Variants in PLXNA2 observed in about 807,000 individuals in gnomAD.
The protein encoded by PLXNA2 is plexin A2.
PLXNA2 carries 91 observed loss-of-function variants against 193.5 expected under a neutral mutation model. That is an observed-to-expected ratio of 0.47 (90% CI 0.40 to 0.56). The LOEUF is 0.56. Ranked by LOEUF, PLXNA2 falls within the 20% of genes least tolerant of loss-of-function variation. PLXNA2 has a pLI of 0.00. For synonymous variants in PLXNA2, 997 were observed against 1,027.3 expected (o/e 0.97, Z 0.56); for missense variants, 1,995 against 2,503.2 (o/e 0.80, Z 4.33).
chr1:208,098,769 C>T lies in PLXNA2; in HGVS notation c.1731+77G>A, dbSNP rs111550531. The T allele has an allele frequency of 1.5e-3, 2,301 of 1,503,922 alleles. 25 individuals carry two copies. The African/African-American group carries it at 0.026, about 17-fold the overall frequency. 93.2% of individuals were successfully genotyped at this position (1,503,922 alleles called of 1,614,324 possible). ...TCTGATCAATTTACAGATACTTGTG[C>T]AAGCGTGAATGGAGCACACCCACAC... is the stretch of plus-strand genomic sequence containing the variant. On this transcript the variant is annotated intron_variant, in intron 6 of 31. Transcript: ENST00000367033.
intron 4 of PLXNA2, among the ~76,000 whole-genome samples, chr1:208,117,294 C>A (rs975530018): frequency 1.3e-5 from 2 of 152,144 alleles, no homozygotes; most frequent in Non-Finnish European, 2.9e-5. Context: ...TAGGAGGATG[C>A]AGGAGGAAAC....
intron 3 of PLXNA2, among the ~76,000 whole-genome samples, chr1:208,146,858 G>GT (rs2102490997): frequency 6.6e-6 from 1 of 152,248 alleles, no homozygotes; most frequent in East Asian, 1.9e-4. Flanking sequence ...ACTGGAGTGT[G>GT]TTTTTCTATT....
intron 2 of PLXNA2, among the ~76,000 whole-genome samples, chr1:208,211,282 T>C (rs1670933126): frequency 6.6e-6 from 1 of 152,184 alleles, no homozygotes; most frequent in Admixed American, 6.5e-5. Flanking sequence ...AAGAGAGAAT[T>C]CTGGAGGTGG....
chr1:208,109,074 C>T (rs377614913), intron 4 of PLXNA2, among the ~76,000 whole-genome samples: 3 of 152,220 alleles, frequency 2.0e-5, no homozygotes, highest in East Asian at 1.9e-4. Context: ...CCTGTCCTCA[C>T]ACGTGTCCCC....
chr1:208,204,573 C>T (rs779753095), intron 3 of PLXNA2, among the ~76,000 whole-genome samples: 1 of 152,230 alleles, frequency 6.6e-6, no homozygotes, highest in Non-Finnish European at 1.5e-5. Flanking sequence ...TTCCTTCCTT[C>T]GCAACCAACC....
chr1:208,223,496 A>G (rs1397708290), intron 1 of PLXNA2, among the ~76,000 whole-genome samples: 1 of 152,202 alleles, frequency 6.6e-6, no homozygotes, highest in Non-Finnish European at 1.5e-5. Context: ...GGCCTGGACA[A>G]CGAGGTGGTG....
intron 7 of PLXNA2, 44 bp downstream of exon 7, chr1:208,096,686 A>G: frequency 7.5e-6 from 12 of 1,608,798 alleles, no homozygotes; most frequent in Non-Finnish European, 8.5e-6. Flanking sequence ...CCCTCAGTAT[A>G]GAGAAGCCCC....
At chr1:208,080,929 G>A (rs574380818) in intron 11 of PLXNA2, among the ~76,000 whole-genome samples, 1 of 152,222 alleles carries the variant, frequency 6.6e-6, no homozygotes, top group African/African-American at 2.4e-5. Flanking sequence ...TCTAGAACCT[G>A]AGTCTTTAAA....
chr1:208,210,329 T>C lies in PLXNA2; in HGVS notation c.1322A>G (p.Asn441Ser). The change falls in exon 3 of 32, where the codon AAC becomes AGC. Residue 441 changes from asparagine (N) to serine (S), a missense_variant. Asn to Ser is a conservative substitution (Grantham distance 46). Around this residue, in one of 3 missense-constraint regions of PLXNA2, gnomAD observed 702 missense variants for 812.9 expected, o/e 0.86. Coordinates refer to ENST00000367033, the MANE Select transcript of PLXNA2 (RefSeq NM_025179.4). Reference protein sequence around the residue: ...RMTSVASYVYNGYSVVFVGTK... With the variant: ...RMTSVASYVYSGYSVVFVGTK... ...CCCCACAAAAACCACGCTGTAGCCG[T>C]TGTAAACGTAGGAGGCCACAGAGGT... 3.7e-6 allele frequency: 6 copies of C among 1,613,936 alleles called. No individual in the cohort carries two copies. Among genetic ancestry groups the C allele is most frequent in the Non-Finnish European group, 5.1e-6 (6 of 1,179,998 alleles).
rs560260298 is a variant in PLXNA2 at position 208,190,001 on chromosome 1, G to C, written c.1371+20279C>G. Among the ~76,000 whole-genome samples the C allele has an allele frequency of 2.0e-5, 3 of 152,326 alleles. No homozygotes were observed. The South Asian group carries it at 6.2e-4, about 32-fold the overall frequency. On this transcript the variant is annotated intron_variant, in intron 3 of 31. Coordinates refer to ENST00000367033, the MANE Select transcript of PLXNA2 (RefSeq NM_025179.4). ...TGTGTAAGATGAGAAACATTTTGGG[G>C]TGGGGGAAGGAGGGTGGAATCTCAA...
intron 3 of PLXNA2, among the ~76,000 whole-genome samples, chr1:208,152,543 A>C (rs1460040810): frequency 6.6e-6 from 1 of 152,048 alleles, no homozygotes; most frequent in African/African-American, 2.4e-5. Flanking sequence ...AAAATCCTTA[A>C]ATTTCAGGTG....
chr1:208,125,221 A>T (rs1040449064), intron 4 of PLXNA2, among the ~76,000 whole-genome samples: 1 of 152,202 alleles, frequency 6.6e-6, no homozygotes, highest in African/African-American at 2.4e-5. Context: ...GGAGGTGAGG[A>T]TAACAGGAAC....
At position 208,155,619 on chromosome 1, in the gene PLXNA2, G is replaced by A. The variant is rs557765322; in HGVS notation, c.1372-13156C>T. Among the ~76,000 whole-genome samples the A allele has an allele frequency of 1.6e-4, 24 of 152,322 alleles. No homozygotes were observed. The South Asian group carries it at 4.6e-3, about 29-fold the overall frequency. The stretch of plus-strand genomic sequence containing the variant: ...AGTACCAGAGAAACTGCAAAGAAGC[G>A]GAGGTGAGGATGGGGAGGGCAGGAC... On this transcript the variant is annotated intron_variant, in intron 3 of 31. Coordinates refer to ENST00000367033, the MANE Select transcript of PLXNA2 (RefSeq NM_025179.4).
At position 208,038,116 on chromosome 1, in the gene PLXNA2, T is replaced by A. The variant is rs1164399361; in HGVS notation, c.4764+255A>T. 6.6e-6 allele frequency among the ~76,000 whole-genome samples: 1 copy of A among 152,200 alleles called. No individual in the cohort carries two copies. The highest frequency in any genetic ancestry group is 1.5e-5 in the Non-Finnish European group (1 of 68,042). On this transcript the variant is annotated intron_variant, in intron 26 of 31. Coordinates refer to ENST00000367033, the MANE Select transcript of PLXNA2 (RefSeq NM_025179.4). This position sits in a 1 kb window ranked among gnomAD's most constrained non-coding sequence, Gnocchi z 4.1. Reference sequence around the variant, plus strand: ...TTTGCAAATGTAGAGGTACACAGAATAGAAATGCCTAGGCCTTACCCCAGA... The same window carrying A: ...TTTGCAAATGTAGAGGTACACAGAAAAGAAATGCCTAGGCCTTACCCCAGA...
intron 3 of PLXNA2, among the ~76,000 whole-genome samples, chr1:208,174,214 T>A (rs1284708683): frequency 6.6e-6 from 1 of 152,084 alleles, no homozygotes; most frequent in Non-Finnish European, 1.5e-5. Flanking sequence ...CTCCTGTCGG[T>A]GAGGGGCTTT....
rs1327583222 is a variant in PLXNA2, at chr1:208,210,442, G to A, written c.1209C>T (p.Asn403=). The change falls in exon 3 of 32, where the codon AAC becomes AAT. Residue 403 remains asparagine, a synonymous_variant. Coordinates refer to ENST00000367033, the MANE Select transcript of PLXNA2 (RefSeq NM_025179.4). Reference sequence around the variant, plus strand: ...GCTGGTTGATGTCCAGTCCACAGAAGTTATCATCGATGGGGACAGGCTGGA... The same window carrying A: ...GCTGGTTGATGTCCAGTCCACAGAAATTATCATCGATGGGGACAGGCTGGA... ...CTKAPVPIDD[N]FCGLDINQPL... is the part of the protein sequence containing the mutation. The A allele has an allele frequency of 3.7e-6, 6 of 1,613,064 alleles. No homozygotes were observed. Among genetic ancestry groups the A allele is most frequent in the Non-Finnish European group, 5.1e-6 (6 of 1,179,376 alleles).
At chr1:208,133,588 G>C (rs1558209596) in intron 4 of PLXNA2, among the ~76,000 whole-genome samples, 1 of 152,188 alleles carries the variant, frequency 6.6e-6, no homozygotes, top group Non-Finnish European at 1.5e-5. Context: ...ATGGTCTATT[G>C]AATGAATGAG....
intron 29 of PLXNA2, chr1:208,030,642 T>A (rs1044074149): frequency 2.8e-5 from 28 of 985,284 alleles, no homozygotes; most frequent in Non-Finnish European, 3.4e-5. Flanking sequence ...CAAAGTGTTT[T>A]GTTGGTTGCT....
intron 3 of PLXNA2, among the ~76,000 whole-genome samples, chr1:208,171,021 C>G (rs1421638041): frequency 1.3e-5 from 2 of 152,146 alleles, no homozygotes; most frequent in African/African-American, 4.8e-5. Context: ...GGAAGACTTC[C>G]TGGAGGGGGT....
Sources: gnomAD v4.1 joint callset for allele counts (sites outside exome capture counted in the v4.1 genomes callset) on GRCh38, gnomAD v4.1.1 for gene constraint, gnomAD v4.1.1 regional missense constraint, Gnocchi (gnomAD v3.1) non-coding constraint, MANE v1.5 for transcripts, NCBI Gene and HGNC (gene_info 2026-07-23, HGNC 2026-07-21) for gene names.